Variants in COL5A2 observed in about 807,000 individuals in gnomAD.
COL5A2 encodes collagen type V alpha 2 chain, also known as collagen alpha-2(V) chain.
COL5A2 carries 23 observed loss-of-function variants against 208.2 expected under a neutral mutation model. That is an observed-to-expected ratio of 0.11 (90% confidence interval 0.08 to 0.16). The LOEUF (loss-of-function observed/expected upper bound fraction) is 0.16. Among genes scored for constraint, COL5A2 ranks in the 10% least tolerant of loss-of-function variants. The pLI, the probability that COL5A2 is intolerant of heterozygous loss-of-function variation, is 1.00. For synonymous variants in COL5A2, 625 were observed against 628.5 expected, an observed-to-expected ratio of 0.99 and a Z score of 0.08; for missense variants, 1,590 against 1,956.4, an observed-to-expected ratio of 0.81 and a Z score of 3.53.
At chr2:189,353,196 G>A in the COL5A2 span, among the ~76,000 whole-genome samples, 1 of 152,182 alleles carries the variant, frequency 6.6e-6, no homozygotes, top group African/African-American at 2.4e-5. Context: ...CTGTAGCCTT[G>A]TATTGTAGTT....
intron 1 of COL5A2, among the ~76,000 whole-genome samples, chr2:189,131,368 G>GT (rs1444529689): frequency 6.6e-6 from 1 of 151,958 alleles, no homozygotes; most frequent in South Asian, 2.1e-4. Context: ...CATCAAAAAG[G>GT]TTTTTTTCTT....
the COL5A2 span, among the ~76,000 whole-genome samples, chr2:189,386,852 A>C: frequency 6.6e-6 from 1 of 152,172 alleles, no homozygotes; most frequent in Non-Finnish European, 1.5e-5. Flanking sequence ...TGTGGAGAAA[A>C]GGGGATATTA....
the COL5A2 span, among the ~76,000 whole-genome samples, chr2:189,239,589 A>G: frequency 7.7e-6 from 1 of 130,706 alleles, no homozygotes; most frequent in Non-Finnish European, 1.6e-5. Context: ...TGGACACAGG[A>G]AGGGGAACAT....
At chr2:189,129,536 T>A (rs1487522603) in intron 1 of COL5A2, among the ~76,000 whole-genome samples, 1 of 152,086 alleles carries the variant, frequency 6.6e-6, no homozygotes, top group African/African-American at 2.4e-5. Flanking sequence ...TTTTTTCTCA[T>A]CTTTTAAAAT....
rs2105586689 is a variant in COL5A2 at position 189,061,574 on chromosome 2, G to A, written c.2019C>T (p.Pro673=). 6.2e-7 allele frequency: 1 copy of A among 1,612,772 alleles called. No homozygotes were observed. ...GERGEQGPPG[P]TGFQGLPGPP... is the part of the protein sequence containing the mutation. ...AATTAGTGCATACCTGAAAACCTGT[G>A]GGGCCTGGAGGTCCTTGTTCTCCTC... Residue 673 remains proline, a synonymous_variant, in exon 30 of 54, where the codon CCC becomes CCT. Transcript: ENST00000374866.
chr2:189,056,917 T>C (rs1264159125), intron 35 of COL5A2, 56 bp downstream of exon 35: 5 of 1,528,150 alleles, frequency 3.3e-6, no homozygotes, highest in Non-Finnish European at 4.5e-6. Context: ...GGGAAACTCA[T>C]ATGATACTGT....
At chr2:189,079,345 C>T (rs1686482999) in intron 14 of COL5A2, among the ~76,000 whole-genome samples, 1 of 152,112 alleles carries the variant, frequency 6.6e-6, no homozygotes. Flanking sequence ...AACTATCATA[C>T]CTAGCCACAG....
intron 1 of COL5A2, among the ~76,000 whole-genome samples, chr2:189,199,785 T>C (rs1401289930): frequency 1.3e-5 from 2 of 152,232 alleles, no homozygotes; most frequent in East Asian, 1.9e-4. Flanking sequence ...ATACAATAAA[T>C]GCCCAAAGGA....
intron 6 of COL5A2, among the ~76,000 whole-genome samples, chr2:189,093,844 T>C (rs1390706118): frequency 6.6e-6 from 1 of 152,224 alleles, no homozygotes; most frequent in Non-Finnish European, 1.5e-5. Context: ...TGGATATGTA[T>C]ATGACAGCAC....
intron 1 of COL5A2, among the ~76,000 whole-genome samples, chr2:189,201,088 T>C (rs1195940041): frequency 6.6e-6 from 1 of 152,022 alleles, no homozygotes; most frequent in African/African-American, 2.4e-5. Context: ...AAAAGACTAT[T>C]ATTTTTACTC....
At chr2:189,291,325 T>A in the COL5A2 span, among the ~76,000 whole-genome samples, 1 of 152,130 alleles carries the variant, frequency 6.6e-6, no homozygotes, top group Non-Finnish European at 1.5e-5. Flanking sequence ...GAATCAGCAT[T>A]ATTAGCTCTA....
the COL5A2 span, among the ~76,000 whole-genome samples, chr2:189,368,096 CTT>C: frequency 1.3e-5 from 2 of 152,122 alleles, no homozygotes; most frequent in African/African-American, 2.4e-5. Flanking sequence ...TTTCTTTTCT[CTT>C]GTTTCTCAGC....
intron 11 of COL5A2, among the ~76,000 whole-genome samples, chr2:189,084,892 C>T (rs1402865398): frequency 6.6e-6 from 1 of 152,142 alleles, no homozygotes; most frequent in Non-Finnish European, 1.5e-5. Context: ...ACTGTGACAA[C>T]AAGCCTAGCA....
intron 1 of COL5A2, among the ~76,000 whole-genome samples, chr2:189,193,494 C>T (rs570247809): frequency 6.6e-6 from 1 of 152,244 alleles, no homozygotes; most frequent in South Asian, 2.1e-4. Context: ...GGTGATAATG[C>T]AAAAATGACA....
chr2:189,087,378 AT>A (rs1454468705), intron 8 of COL5A2, among the ~76,000 whole-genome samples: 1 of 152,114 alleles, frequency 6.6e-6, no homozygotes, highest in East Asian at 1.9e-4. Context: ...CAAAAATGCG[AT>A]TTTAGAACAT....
chr2:189,248,930 A>G, the COL5A2 span, among the ~76,000 whole-genome samples: 1 of 152,182 alleles, frequency 6.6e-6, no homozygotes, highest in African/African-American at 2.4e-5. Flanking sequence ...CTATCTTAAG[A>G]GATAATTCCA....
At chr2:189,142,323 G>C (rs1173061344) in intron 1 of COL5A2, among the ~76,000 whole-genome samples, 1 of 151,746 alleles carries the variant, frequency 6.6e-6, no homozygotes, top group Non-Finnish European at 1.5e-5. Context: ...GTATACCATA[G>C]ATTATATTTT....
intron 25 of COL5A2, among the ~76,000 whole-genome samples, chr2:189,064,298 A>AT (rs1416164427): frequency 6.6e-6 from 1 of 152,092 alleles, no homozygotes; most frequent in African/African-American, 2.4e-5. Context: ...GACAAACAGG[A>AT]TTTTTTTCTC....
chr2:189,358,354 T>C, the COL5A2 span, among the ~76,000 whole-genome samples: 35 of 152,290 alleles, frequency 2.3e-4, 1 homozygote, highest in East Asian at 6.4e-3. Context: ...AACAAAACAT[T>C]TATTTTGCAG....
Sources: allele counts gnomAD v4.1 joint callset (sites outside exome capture counted in the v4.1 genomes callset), GRCh38; gene constraint gnomAD v4.1.1; transcripts MANE v1.5; gene names NCBI Gene and HGNC (gene_info 2026-07-23, HGNC 2026-07-21).